The following CHAF1A variants were observed in gnomAD, a reference collection of about 807,000 sequenced individuals.
CHAF1A encodes the protein CAF-1 subunit A.
CHAF1A carries 5 observed loss-of-function variants against 93.2 expected under a neutral mutation model. That is an observed-to-expected ratio of 0.05 (90% CI 0.03 to 0.11). The LOEUF (loss-of-function observed/expected upper bound fraction) is 0.11. Among genes scored for constraint, CHAF1A ranks in the 10% least tolerant of loss-of-function variants. CHAF1A has a pLI of 1.00. For missense variants in CHAF1A, 1,102 were observed against 1,259.9 expected (o/e 0.87, Z 1.90); for synonymous variants, 504 against 510.3 (o/e 0.99, Z 0.17).
intron 7 of CHAF1A, among the ~76,000 whole-genome samples, chr19:4,425,039 C>T (rs560733136): frequency 1.3e-5 from 2 of 152,108 alleles, no homozygotes; most frequent in South Asian, 4.2e-4. Flanking sequence ...CCTCTCAAAG[C>T]ACTTGGATTA....
Position 4,422,610 on chromosome 19 carries a change from G to T in CHAF1A, c.1062G>T (p.Arg354Ser). 6.3e-7 allele frequency: 1 copy of T among 1,584,762 alleles called. No homozygotes were observed. ...AGCAGCTCAAGTTACGTGCAGAAAG[G>T]GAAGAAAAGGAGAAGCTGAAAGAGG... ...LGKQLKLRAE[R>S]EEKEKLKEEA... is the part of the protein sequence containing the mutation. The change falls in exon 5 of 15, where the codon AGG becomes AGT. Residue 354 changes from arginine (R) to serine (S), a missense_variant. This residue lies in a region of CHAF1A where 165 missense variants were observed against 243.9 expected (regional missense o/e 0.68). Transcript: ENST00000301280. The surrounding 1 kb of genome is among the most constrained non-coding windows in gnomAD (Gnocchi z 4.6).
chr19:4,442,001 G>GAGA (rs1974399317), intron 13 of CHAF1A, among the ~76,000 whole-genome samples: 5 of 152,232 alleles, frequency 3.3e-5, no homozygotes, highest in African/African-American at 1.2e-4. Flanking sequence ...GGCAATGATG[G>GAGA]CTGTTTTTGG....
At chr19:4,423,661 TC>T (rs1974030150) in intron 6 of CHAF1A, 144 bp from the exon 7 acceptor site, 1 of 953,220 alleles carries the variant, frequency 1.0e-6, no homozygotes, top group South Asian at 1.6e-5. Flanking sequence ...CAGTTGCGGG[TC>T]CGTGGGTTTT....
intron 4 of CHAF1A, 64 bp downstream of exon 4, chr19:4,418,140 A>G: frequency 9.2e-7 from 1 of 1,081,148 alleles, no homozygotes. Flanking sequence ...ATAGTAAGCA[A>G]AGCCCTTTGA....
At chr19:4,448,385 T>G, downstream of CHAF1A, 1 of 1,607,174 alleles carries the variant, frequency 6.2e-7, no homozygotes, top group Non-Finnish European at 8.5e-7. Flanking sequence ...ATCTTCATGA[T>G]GGAGGCGGCC....
rs748008279 is a variant in CHAF1A, at chr19:4,429,612, C to T, written c.1773+6C>T. ...ACCCCTGGGCCCAGGACACGGTGAG[C>T]TAGCCCCAGAGTGCCTCCGTCCCCG... On this transcript the variant is annotated splice_donor_region_variant and intron_variant, in intron 9 of 14. Coordinates refer to ENST00000301280, the MANE Select transcript of CHAF1A (RefSeq NM_005483.3). 3.7e-6 allele frequency: 6 copies of T among 1,614,106 alleles called. No individual in the cohort carries two copies. The South Asian group carries it at 6.6e-5, about 18-fold the overall frequency.
At chr19:4,446,447 G>T (rs527573846), downstream of CHAF1A, 16 of 1,580,890 alleles carry the variant, frequency 1.0e-5, no homozygotes, top group Non-Finnish European at 1.4e-5. Flanking sequence ...AGGGCTGGCC[G>T]GGGTTCTTCC....
In CHAF1A at chr19:4,402,732, C is replaced by G; in HGVS notation, c.-31C>G. The G allele has an allele frequency of 8.4e-7, 1 of 1,196,582 alleles. No individual in the cohort carries two copies. Among genetic ancestry groups the G allele is most frequent in the African/African-American group, 1.6e-5 (1 of 63,086 alleles). 74.1% of individuals were successfully genotyped at this position (1,196,582 alleles called of 1,614,324 possible). On this transcript the variant is annotated 5_prime_UTR_variant, in exon 1 of 15. Transcript: ENST00000301280. ...CTGAGGGGAGCCCGCGCCTCCGCCG[C>G]CTGAGAGGAGGTCGAGCTGCCGCCG...
At chr19:4,440,045 A>G (rs969090581) in intron 13 of CHAF1A, among the ~76,000 whole-genome samples, 1 of 152,210 alleles carries the variant, frequency 6.6e-6, no homozygotes, top group Admixed American at 6.5e-5. Flanking sequence ...CTGCCTGGCC[A>G]GGCACTGTGC....
At chr19:4,435,780 T>C (rs970146478) in intron 13 of CHAF1A, among the ~76,000 whole-genome samples, 6 of 152,316 alleles carry the variant, frequency 3.9e-5, no homozygotes, top group African/African-American at 1.4e-4. Flanking sequence ...TTTCAGAGAC[T>C]TGGGACAAGG....
At chr19:4,426,854 G>A (rs1230242582) in intron 7 of CHAF1A, among the ~76,000 whole-genome samples, 1 of 152,008 alleles carries the variant, frequency 6.6e-6, no homozygotes, top group Non-Finnish European at 1.5e-5. Context: ...ATTTGGGGAG[G>A]CCAAGGCGGG....
At chr19:4,434,473 A>ATTGTTT (rs1974245485) in intron 13 of CHAF1A, among the ~76,000 whole-genome samples, 2 of 152,182 alleles carry the variant, frequency 1.3e-5, no homozygotes, top group Admixed American at 6.5e-5. Flanking sequence ...TGTTTTAAAC[A>ATTGTTT]AAGAGGCTTC....
intron 13 of CHAF1A, among the ~76,000 whole-genome samples, chr19:4,441,834 C>T (rs1974395738): frequency 6.6e-6 from 1 of 151,400 alleles, no homozygotes; most frequent in Non-Finnish European, 1.5e-5. Context: ...GGAGGCGGAG[C>T]TTGCAGTGAG....
Position 4,409,657 on chromosome 19 carries a change from C to T in CHAF1A, c.858C>T (p.Ser286=). Residue 286 remains serine (S), a synonymous_variant, in exon 3 of 15, where the codon TCC becomes TCT. Transcript: ENST00000301280. ...AAGACTCTGTACTCAGCCATTCGTC[C>T]CTGAGCTCTCCCTCTTCCACCAGCT... is the stretch of plus-strand genomic sequence containing the variant. ...PEEDSVLSHS[S]LSSPSSTSSP... 6.2e-7 allele frequency: 1 copy of T among 1,614,164 alleles called. No individual in the cohort carries two copies. Among genetic ancestry groups the T allele is most frequent in the Non-Finnish European group, 8.5e-7 (1 of 1,180,030 alleles).
At chr19:4,445,232 A>G, downstream of CHAF1A, 1 of 456,146 alleles carries the variant, frequency 2.2e-6, no homozygotes, top group East Asian at 4.5e-5. Flanking sequence ...TTCATGACAC[A>G]GTTACCAAGC....
Position 4,402,688 on chromosome 19 carries a change from G to A in CHAF1A, c.-75G>A. On this transcript the variant is annotated 5_prime_UTR_variant, in exon 1 of 15. Transcript: ENST00000301280. ...GCGGCAGCAGCGGCGCGGGCGGGAG[G>A]GCGAAGAGCAGCGGCCGCCTGAGGG... 1.0e-6 allele frequency: 1 copy of A among 1,001,388 alleles called. No homozygotes were observed. The highest frequency in any genetic ancestry group is 1.3e-6 in the Non-Finnish European group (1 of 789,602). 62.0% of individuals were successfully genotyped at this position (1,001,388 alleles called of 1,614,324 possible). A position where few individuals can be genotyped will look rare whatever the true frequency, so the allele number is the denominator to read the frequency against.
At chr19:4,417,478 T>TA (rs1369764467) in intron 3 of CHAF1A, among the ~76,000 whole-genome samples, 5 of 131,482 alleles carry the variant, frequency 3.8e-5, no homozygotes, top group South Asian at 5.0e-4. Flanking sequence ...TTTTTTTTTT[T>TA]AAGACAGAGT....
At chr19:4,405,821 C>A in intron 1 of CHAF1A, 91 bp from the exon 2 acceptor site, 2 of 1,153,728 alleles carry the variant, frequency 1.7e-6, no homozygotes, top group South Asian at 1.2e-5. Context: ...GAATTGCCTC[C>A]ACCTTGTACA....
downstream of CHAF1A, chr19:4,445,618 G>C: frequency 6.2e-7 from 1 of 1,612,912 alleles, no homozygotes; most frequent in South Asian, 1.1e-5. Flanking sequence ...GGAGGGCAGA[G>C]GGCACCTGCG....
Sources: allele counts gnomAD v4.1 joint callset (sites outside exome capture counted in the v4.1 genomes callset), GRCh38; gene constraint gnomAD v4.1.1; regional missense constraint gnomAD v4.1.1; non-coding constraint Gnocchi (gnomAD v3.1); transcripts MANE v1.5; gene names NCBI Gene and HGNC (gene_info 2026-07-23, HGNC 2026-07-21).